ABCA3: variants seen among roughly 807,000 people sequenced by gnomAD.
The protein encoded by ABCA3 is phospholipid-transporting ATPase ABCA3.
A neutral mutation model predicts 172.8 loss-of-function variants in ABCA3; 88 were observed. That is an observed-to-expected ratio of 0.51 (90% CI 0.43 to 0.61). The LOEUF is 0.61. Ranked by LOEUF, ABCA3 falls within the 20% of genes least tolerant of loss-of-function variation. The pLI is 0.00. For synonymous variants in ABCA3, 1,066 were observed against 983.8 expected (o/e 1.08, Z -1.56); for missense variants, 2,164 against 2,301.0 (o/e 0.94, Z 1.22).
At position 2,324,504 on chromosome 16, in the gene ABCA3, A is replaced by C. The variant is rs780516803; in HGVS notation, c.347T>G (p.Phe116Cys). 1 of 1,609,952 alleles carries C rather than the reference A, an allele frequency of 6.2e-7. No homozygotes were observed. Reference sequence around the variant, plus strand: ...GTTGTCGTACCTAATGTAGTCCTCAAAGTCCTTCTCGGAGGGAAAGCCGCG... The same window carrying C: ...GTTGTCGTACCTAATGTAGTCCTCACAGTCCTTCTCGGAGGGAAAGCCGCG... ...RVRGFPSEKD[F>C]EDYIRYDNCS... The change falls in exon 6 of 33, where the codon TTT becomes TGT. Residue 116 changes from phenylalanine to cysteine, a missense_variant. Physicochemically the swap from Phe to Cys is radical, Grantham distance 205. Around this residue, in one of 3 missense-constraint regions of ABCA3, gnomAD observed 1,343 missense variants for 1,369.6 expected, o/e 0.98. Coordinates refer to ENST00000301732, the MANE Select transcript of ABCA3 (RefSeq NM_001089.3).
At chr16:2,314,283 C>G (rs1395542608) in intron 10 of ABCA3, among the ~76,000 whole-genome samples, 2 of 152,144 alleles carry the variant, frequency 1.3e-5, no homozygotes, top group Admixed American at 1.3e-4. Flanking sequence ...GGAATATCAT[C>G]TAGCCTTGAA....
chr16:2,291,848 C>T (rs532515973), intron 19 of ABCA3, among the ~76,000 whole-genome samples: 13 of 152,142 alleles, frequency 8.5e-5, no homozygotes, highest in East Asian at 3.9e-4. Context: ...CCAAGGTGGG[C>T]GGATCACCTG....
chr16:2,289,455 G>A lies in ABCA3; in HGVS notation c.2679C>T (p.Thr893=), dbSNP rs199885252. The change falls in exon 20 of 33, where the codon ACC becomes ACT. Residue 893 remains threonine, a synonymous_variant. Coordinates refer to ENST00000301732, the MANE Select transcript of ABCA3 (RefSeq NM_001089.3). ...TCACCCCAGTGTTGAGCTTGACAGC[G>A]GTGCGCTCCTCCTCGATGAGGGCTC... The part of the protein sequence containing the change: ...GIGALIEEER[T]AVKLNTGLAL... The A allele has an allele frequency of 2.6e-5, 41 of 1,566,900 alleles. No homozygotes were observed. The East Asian group carries it at 3.1e-4, about 12-fold the overall frequency.
At chr16:2,325,559 C>G (rs1402632338) in intron 5 of ABCA3, among the ~76,000 whole-genome samples, 1 of 152,150 alleles carries the variant, frequency 6.6e-6, no homozygotes, top group Non-Finnish European at 1.5e-5. Flanking sequence ...TTTCTTTTTT[C>G]CCTTTTTCTG....
At chr16:2,291,240 C>T (rs545623876) in intron 19 of ABCA3, among the ~76,000 whole-genome samples, 7 of 152,112 alleles carry the variant, frequency 4.6e-5, no homozygotes, top group Admixed American at 2.0e-4. Context: ...GCAGGAGAAT[C>T]GCTTGAATCT....
intron 19 of ABCA3, among the ~76,000 whole-genome samples, chr16:2,290,952 C>A (rs2141700809): frequency 6.6e-6 from 1 of 152,288 alleles, no homozygotes; most frequent in Non-Finnish European, 1.5e-5. Context: ...TCACTGCAAC[C>A]TCCACTTCCC....
At chr16:2,330,319 ATT>A (rs796294302) in intron 1 of ABCA3, among the ~76,000 whole-genome samples, 9,399 of 117,050 alleles carry the variant, frequency 0.08, 1,238 homozygotes, top group African/African-American at 0.29. Context: ...TATAAGCTCT[ATT>A]TTTTTTTTTT....
chr16:2,316,307 T>C (rs1428724885), intron 10 of ABCA3, among the ~76,000 whole-genome samples: 4 of 50,172 alleles, frequency 8.0e-5, no homozygotes, highest in Admixed American at 3.5e-4. Flanking sequence ...AGAGGCAGTC[T>C]CAAAAAAAAA....
chr16:2,323,762 G>A lies in ABCA3; in HGVS notation c.448-74C>T, dbSNP rs377082873. ...GGGCAAACAACAGGGTGGAGTGGGA[G>A]AGCGCTTGGGGGGCTGTCACAGCCG... On this transcript the variant is annotated intron_variant, in intron 6 of 32. Coordinates refer to ENST00000301732, the MANE Select transcript of ABCA3 (RefSeq NM_001089.3). 86 of 1,565,334 alleles carry A rather than the reference G, an allele frequency of 5.5e-5. 1 individual carries two copies. The East Asian group carries it at 1.0e-3, about 19-fold the overall frequency.
At chr16:2,296,677 C>CCT (rs1304467324) in intron 17 of ABCA3, among the ~76,000 whole-genome samples, 1 of 152,242 alleles carries the variant, frequency 6.6e-6, no homozygotes, top group African/African-American at 2.4e-5. Flanking sequence ...TGCTGTCCTC[C>CCT]CTCTTGGTAA....
chr16:2,323,539 A>C lies in ABCA3; in HGVS notation c.597T>G (p.Pro199=). 1.9e-6 allele frequency: 3 copies of C among 1,614,134 alleles called. No homozygotes were observed. The South Asian group carries it at 3.3e-5, about 18-fold the overall frequency. Reference sequence around the variant, plus strand: ...GCTTCTCACCAGGTTCTCCGCCATCAGGGGATGTAGGTTCCCTTGGTCCTG... The same window carrying C: ...GCTTCTCACCAGGTTCTCCGCCATCCGGGGATGTAGGTTCCCTTGGTCCTG... ...PNPGPREPTS[P]DGGEPGYIRE... The change falls in exon 7 of 33, where the codon CCT becomes CCG. Residue 199 remains proline (P), a synonymous_variant. Coordinates refer to ENST00000301732, the MANE Select transcript of ABCA3 (RefSeq NM_001089.3).
chr16:2,322,542 C>T (rs1227231389), intron 7 of ABCA3, among the ~76,000 whole-genome samples: 1 of 132,760 alleles, frequency 7.5e-6, no homozygotes, highest in African/African-American at 2.8e-5. Context: ...CCCCCCACCC[C>T]ACAACAGGCC....
chr16:2,277,246 T>A lies in ABCA3; in HGVS notation c.4983+351A>T, dbSNP rs2093647956. Reference sequence around the variant, plus strand: ...GAGTGGCTGGGACTACAGGTATGCATGATACCTGGCTAATTTTTAAATTTT... The same window carrying A: ...GAGTGGCTGGGACTACAGGTATGCAAGATACCTGGCTAATTTTTAAATTTT... On this transcript the variant is annotated intron_variant, in intron 32 of 32. Transcript: ENST00000301732. The surrounding 1 kb of genome is among the most constrained non-coding windows in gnomAD (Gnocchi z 5.3). Among the ~76,000 whole-genome samples, 1 of 152,038 alleles carries A rather than the reference T, an allele frequency of 6.6e-6. No individual in the cohort carries two copies. Among genetic ancestry groups the A allele is most frequent in the Admixed American group, 6.6e-5 (1 of 15,262 alleles).
In ABCA3 at chr16:2,278,167, A is replaced by C; in HGVS notation, c.4719-98T>G. 2.5e-6 allele frequency: 4 copies of C among 1,598,144 alleles called. No homozygotes were observed. The highest frequency in any genetic ancestry group is 3.4e-6 in the Non-Finnish European group (4 of 1,173,842). On this transcript the variant is annotated intron_variant, in intron 30 of 32. Coordinates refer to ENST00000301732, the MANE Select transcript of ABCA3 (RefSeq NM_001089.3). The surrounding 1 kb of genome is among the most constrained non-coding windows in gnomAD (Gnocchi z 4.4). ...TCCGATCAGGCTGTTCCTGATACCC[A>C]TGCTCAGTGTGGCTCACGGGCAGAC... is the stretch of plus-strand genomic sequence containing the variant.
Position 2,284,581 on chromosome 16 carries a change from G to T in ABCA3, c.3704-144C>A. 1.5e-6 allele frequency: 2 copies of T among 1,368,612 alleles called. No individual in the cohort carries two copies. The highest frequency in any genetic ancestry group is 2.1e-6 in the Non-Finnish European group (2 of 974,780). The allele number at this position is 1,368,612 out of a possible 1,614,324, so 84.8% of individuals were successfully genotyped here. A position where few individuals can be genotyped will look rare whatever the true frequency, so the allele number is the denominator to read the frequency against. On this transcript the variant is annotated intron_variant, in intron 24 of 32. Coordinates refer to ENST00000301732, the MANE Select transcript of ABCA3 (RefSeq NM_001089.3). This position sits in a 1 kb window ranked among gnomAD's most constrained non-coding sequence, Gnocchi z 5.9. Reference sequence around the variant, plus strand: ...TCCCAGGGACGCCCCTGCCGGCTCTGCACAGGGCAAGGACGCCGCAGACGC... The same window carrying T: ...TCCCAGGGACGCCCCTGCCGGCTCTTCACAGGGCAAGGACGCCGCAGACGC...
intron 1 of ABCA3, among the ~76,000 whole-genome samples, chr16:2,334,267 C>T (rs947486923): frequency 2.6e-5 from 4 of 151,916 alleles, no homozygotes; most frequent in African/African-American, 7.3e-5. Flanking sequence ...CGAGTCATTC[C>T]GAGTGGCAGT....
rs1001207533 is a variant in ABCA3 at position 2,281,598 on chromosome 16, G to A, written c.4036-89C>T. ...GGAGGGGCGGGGGTGGATGTGGGAG[G>A]TCTGGTGGGACTAAGGCCTTCAAGG... On this transcript the variant is annotated intron_variant, in intron 26 of 32. Coordinates refer to ENST00000301732, the MANE Select transcript of ABCA3 (RefSeq NM_001089.3). This position sits in a 1 kb window ranked among gnomAD's most constrained non-coding sequence, Gnocchi z 4.7. 2 of 1,406,784 alleles carry A rather than the reference G, an allele frequency of 1.4e-6. No homozygotes were observed. The highest frequency in any genetic ancestry group is 3.5e-5 in the Admixed American group (2 of 57,468). 87.1% of individuals were successfully genotyped at this position (1,406,784 alleles called of 1,614,324 possible). A position where few individuals can be genotyped will look rare whatever the true frequency, so the allele number is the denominator to read the frequency against.
chr16:2,276,120 G>C lies in ABCA3; in HGVS notation c.*554C>G. The C allele has an allele frequency of 3.0e-6, 1 of 336,968 alleles. No individual in the cohort carries two copies. The highest frequency in any genetic ancestry group is 2.2e-5 in the South Asian group (1 of 45,676). 20.9% of individuals were successfully genotyped at this position (336,968 alleles called of 1,614,324 possible). A position where few individuals can be genotyped will look rare whatever the true frequency, so the allele number is the denominator to read the frequency against. ...GGTGACTACCATGCCCTAAGGAGCA[G>C]AGCCTCCAGGATGCCCCCGGGCTGC... On this transcript the variant is annotated 3_prime_UTR_variant, in exon 33 of 33. Coordinates refer to ENST00000301732, the MANE Select transcript of ABCA3 (RefSeq NM_001089.3).
intron 26 of ABCA3, among the ~76,000 whole-genome samples, chr16:2,282,826 G>A (rs45618441): frequency 8.5e-5 from 12 of 140,614 alleles, no homozygotes; most frequent in Admixed American, 2.8e-4. Flanking sequence ...CCCCTCCTCC[G>A]GGCACTGGGT....
Sources: gnomAD v4.1 joint callset for allele counts (sites outside exome capture counted in the v4.1 genomes callset) on GRCh38, gnomAD v4.1.1 for gene constraint, gnomAD v4.1.1 regional missense constraint, Gnocchi (gnomAD v3.1) non-coding constraint, MANE v1.5 for transcripts, NCBI Gene and HGNC (gene_info 2026-07-23, HGNC 2026-07-21) for gene names.